SCN2A: variants seen among roughly 807,000 people sequenced by gnomAD.
The protein encoded by SCN2A is sodium voltage-gated channel alpha subunit 2, also known as sodium channel protein type 2 subunit alpha.
Under a neutral mutation model 188.7 loss-of-function variants are expected in SCN2A, and 20 were observed. That is an observed-to-expected ratio of 0.11 (90% CI 0.07 to 0.15). The LOEUF is 0.15. Among genes scored for constraint, SCN2A ranks in the 10% least tolerant of loss-of-function variants. The pLI is 1.00. For missense variants in SCN2A, 1,278 were observed against 2,445.0 expected (o/e 0.52, Z 10.07); for synonymous variants, 804 against 833.1 (o/e 0.97, Z 0.60).
chr2:165,286,326 T>G (rs1695829378), intron 1 of SCN2A, among the ~76,000 whole-genome samples: 1 of 152,166 alleles, frequency 6.6e-6, no homozygotes. Context: ...TAGGTAACAT[T>G]GATTGCTGGA....
At chr2:165,351,851 C>G (rs1026483815) in intron 16 of SCN2A, among the ~76,000 whole-genome samples, 1 of 149,554 alleles carries the variant, frequency 6.7e-6, no homozygotes, top group African/African-American at 2.5e-5. Flanking sequence ...ATCTCCCAAT[C>G]TATCAGTAAA....
intron 15 of SCN2A, among the ~76,000 whole-genome samples, chr2:165,342,855 A>G (rs556172646): frequency 9.8e-5 from 15 of 152,294 alleles, no homozygotes; most frequent in Non-Finnish European, 1.3e-4. Flanking sequence ...CTAAAGAATT[A>G]TGGAATTGTT....
rs754553891 is a variant in SCN2A at position 165,354,440 on chromosome 2, T to C, written c.3168T>C (p.His1056=). Residue 1056 remains histidine, a synonymous_variant, in exon 17 of 27, where the codon CAT becomes CAC. Coordinates refer to ENST00000375437, the MANE Select transcript of SCN2A (RefSeq NM_001040142.2). ...AAAAAGACAGCTGTATTTCCAACCA[T>C]ACCACCATAGAAATAGGCAAAGACC... ...NNKKDSCISN[H]TTIEIGKDLN... 6.2e-7 allele frequency: 1 copy of C among 1,614,108 alleles called. No individual in the cohort carries two copies. The highest frequency in any genetic ancestry group is 8.5e-7 in the Non-Finnish European group (1 of 1,179,996).
intron 3 of SCN2A, among the ~76,000 whole-genome samples, chr2:165,305,961 T>A (rs993536708): frequency 6.6e-6 from 1 of 151,968 alleles, no homozygotes; most frequent in African/African-American, 2.4e-5. Context: ...TGGGAGCCAT[T>A]AAGGATAAGA....
chr2:165,271,551 T>C (rs890526432), intron 1 of SCN2A: 36 of 152,160 alleles, frequency 2.4e-4, no homozygotes, highest in African/African-American at 8.4e-4. Context: ...GTAGTGGAGA[T>C]TGGGCTCATG....
In SCN2A at chr2:165,310,474, A is replaced by G. The variant is rs1697368581; in HGVS notation, c.849A>G (p.Pro283=). 1.2e-6 allele frequency: 2 copies of G among 1,613,548 alleles called. No individual in the cohort carries two copies. The highest frequency in any genetic ancestry group is 2.7e-5 in the African/African-American group (2 of 74,888). ...GAAATAAATGTTTGCAATGGCCTCC[A>G]GATAATTCTTCCTTTGAAATAAATA... ...NLRNKCLQWP[P]DNSSFEINIT... The change falls in exon 7 of 27, where the codon CCA becomes CCG. Residue 283 remains proline, a synonymous_variant. Coordinates refer to ENST00000375437, the MANE Select transcript of SCN2A (RefSeq NM_001040142.2).
intron 14 of SCN2A, among the ~76,000 whole-genome samples, chr2:165,341,558 G>T (rs1225180281): frequency 6.6e-6 from 1 of 152,120 alleles, no homozygotes; most frequent in Non-Finnish European, 1.5e-5. Flanking sequence ...TCAAAACAGG[G>T]GCACTTCTTT....
At chr2:165,337,608 G>A (rs1189128514) in intron 14 of SCN2A, among the ~76,000 whole-genome samples, 2 of 152,082 alleles carry the variant, frequency 1.3e-5, no homozygotes, top group Admixed American at 1.3e-4. Flanking sequence ...CTATATACAT[G>A]AGACTAATGT....
At chr2:165,252,709 G>C (rs1372062570) in intron 1 of SCN2A, among the ~76,000 whole-genome samples, 3 of 152,004 alleles carry the variant, frequency 2.0e-5, no homozygotes, top group Non-Finnish European at 4.4e-5. Context: ...AGGATCTCAA[G>C]AGTTAGGCAA....
intron 20 of SCN2A, chr2:165,371,985 A>G (rs557759246): frequency 6.6e-6 from 1 of 152,332 alleles, no homozygotes; most frequent in African/African-American, 2.4e-5. Context: ...CTTTTCAGCC[A>G]GTAAATACTA....
intron 1 of SCN2A, among the ~76,000 whole-genome samples, chr2:165,250,409 T>C (rs1444992785): frequency 6.6e-6 from 1 of 151,876 alleles, no homozygotes; most frequent in Non-Finnish European, 1.5e-5. Context: ...TAAAATGATA[T>C]GGATATAGTA....
At chr2:165,240,595 TA>T (rs1168385658) in intron 1 of SCN2A, among the ~76,000 whole-genome samples, 3 of 152,044 alleles carry the variant, frequency 2.0e-5, no homozygotes, top group African/African-American at 7.2e-5. Flanking sequence ...ATTTTACAAA[TA>T]TTTTAAAAAT....
At chr2:165,347,879 T>G (rs921009868) in intron 16 of SCN2A, among the ~76,000 whole-genome samples, 9 of 152,066 alleles carry the variant, frequency 5.9e-5, no homozygotes, top group African/African-American at 2.2e-4. Flanking sequence ...AAGATTTAGC[T>G]TGGTAGGAAG....
At chr2:165,311,539 A>G (rs1697427537) in intron 7 of SCN2A, among the ~76,000 whole-genome samples, 1 of 152,142 alleles carries the variant, frequency 6.6e-6, no homozygotes, top group African/African-American at 2.4e-5. Context: ...GGGAATAAAT[A>G]CCTAATCCCA....
intron 13 of SCN2A, chr2:165,327,722 T>C (rs1381531290): frequency 2.0e-5 from 3 of 152,262 alleles, no homozygotes; most frequent in African/African-American, 7.2e-5. Flanking sequence ...CCTTCTTAGA[T>C]AAAACACTGA....
intron 3 of SCN2A, among the ~76,000 whole-genome samples, chr2:165,298,135 A>G (rs1456117046): frequency 6.6e-6 from 1 of 152,224 alleles, no homozygotes; most frequent in African/African-American, 2.4e-5. Context: ...GAAATTAAGC[A>G]AATCCTCAGA....
At chr2:165,364,225 T>G (rs1700607653) in intron 17 of SCN2A, among the ~76,000 whole-genome samples, 2 of 152,144 alleles carry the variant, frequency 1.3e-5, no homozygotes, top group Admixed American at 1.3e-4. Flanking sequence ...GAGAATGCTG[T>G]GGCCCAAACT....
chr2:165,276,063 T>G (rs1274008544), intron 1 of SCN2A, among the ~76,000 whole-genome samples: 1 of 152,160 alleles, frequency 6.6e-6, no homozygotes, highest in African/African-American at 2.4e-5. Flanking sequence ...CACAATAATC[T>G]AGGTATTTTG....
In SCN2A at chr2:165,374,741, T is replaced by C; in HGVS notation, c.4029T>C (p.Val1343=). ...AIPSIMNVLL[V]CLIFWLIFSI... ...CATCTATCATGAATGTACTTCTGGTTTGTCTGATCTTTTGGCTAATATTCA... is the reference window on the plus strand; with the variant it reads ...CATCTATCATGAATGTACTTCTGGTCTGTCTGATCTTTTGGCTAATATTCA... The change falls in exon 22 of 27, where the codon GTT becomes GTC. Residue 1343 remains valine, a synonymous_variant. Coordinates refer to ENST00000375437, the MANE Select transcript of SCN2A (RefSeq NM_001040142.2). 6.2e-7 allele frequency: 1 copy of C among 1,613,560 alleles called. No homozygotes were observed. The highest frequency in any genetic ancestry group is 8.5e-7 in the Non-Finnish European group (1 of 1,179,622).
Sources: allele counts gnomAD v4.1 joint callset (sites outside exome capture counted in the v4.1 genomes callset), GRCh38; gene constraint gnomAD v4.1.1; transcripts MANE v1.5; gene names NCBI Gene and HGNC (gene_info 2026-07-23, HGNC 2026-07-21).